Variants in VWA8 observed in about 807,000 individuals in gnomAD.
VWA8 encodes the protein von Willebrand factor A domain-containing protein 8.
A neutral mutation model predicts 241.5 loss-of-function variants in VWA8; 221 were observed. That is an observed-to-expected ratio of 0.91 (90% CI 0.82 to 1.02). VWA8 has a LOEUF of 1.02. Ranked by LOEUF, VWA8 falls within the 50% of genes least tolerant of loss-of-function variation. VWA8 has a pLI of 0.00. For synonymous variants in VWA8, 852 were observed against 827.1 expected, an observed-to-expected ratio of 1.03 and a Z score of -0.52; for missense variants, 2,322 against 2,328.7, an observed-to-expected ratio of 1.00 and a Z score of 0.06.
intron 25 of VWA8, 49 bp from the exon 26 acceptor site, chr13:41,719,791 C>CA: frequency 6.6e-7 from 1 of 1,514,320 alleles, no homozygotes; most frequent in South Asian, 1.2e-5. Context: ...AAATATACAA[C>CA]ATTATAAAGA....
chr13:41,569,828 C>A (rs78736123), intron 44 of VWA8, among the ~76,000 whole-genome samples: 2,189 of 152,144 alleles, frequency 0.014, 53 homozygotes, highest in African/African-American at 0.05. Context: ...TATTTATTGT[C>A]TGATCATAAG....
intron 37 of VWA8, among the ~76,000 whole-genome samples, chr13:41,662,793 T>A (rs190010220): frequency 6.6e-6 from 1 of 152,298 alleles, no homozygotes; most frequent in Admixed American, 6.5e-5. Context: ...GTGAGCATGG[T>A]CATTGCCTTA....
At chr13:41,944,998 G>C (rs150480132) in intron 2 of VWA8, among the ~76,000 whole-genome samples, 237 of 152,286 alleles carry the variant, frequency 1.6e-3, no homozygotes, top group African/African-American at 5.4e-3. Flanking sequence ...GGAAGGCCAT[G>C]CATATATTCA....
chr13:41,871,544 G>A (rs971094848), intron 9 of VWA8, among the ~76,000 whole-genome samples: 1 of 152,114 alleles, frequency 6.6e-6, no homozygotes, highest in African/African-American at 2.4e-5. Flanking sequence ...CTATGAGTGA[G>A]AATATGCGGT....
intron 13 of VWA8, among the ~76,000 whole-genome samples, chr13:41,833,050 AG>A (rs1216901806): frequency 6.6e-6 from 1 of 152,186 alleles, no homozygotes; most frequent in Non-Finnish European, 1.5e-5. Context: ...TAGAAACTTC[AG>A]CAATGTGACA....
At chr13:41,816,838 C>A in intron 15 of VWA8, 63 bp from the exon 16 acceptor site, 1 of 1,246,242 alleles carries the variant, frequency 8.0e-7, no homozygotes, top group South Asian at 1.3e-5. Context: ...ATCAATCAAT[C>A]AGAAATTATG....
At chr13:41,764,621 G>C (rs1196067119) in intron 20 of VWA8, among the ~76,000 whole-genome samples, 1 of 152,136 alleles carries the variant, frequency 6.6e-6, no homozygotes, top group Non-Finnish European at 1.5e-5. Context: ...GAGGTATAGG[G>C]AAAGATGAGA....
At chr13:41,732,282 C>T (rs974151740) in intron 21 of VWA8, 127 bp from the exon 22 acceptor site, 2 of 695,304 alleles carry the variant, frequency 2.9e-6, no homozygotes, top group East Asian at 2.9e-5. Context: ...CCTTCCCCCA[C>T]CAAAAAAAAA....
intron 12 of VWA8, among the ~76,000 whole-genome samples, chr13:41,841,831 A>ATG: frequency 1.7e-5 from 1 of 58,208 alleles, no homozygotes; most frequent in Non-Finnish European, 3.2e-5. Flanking sequence ...ATATATATAT[A>ATG]TATATATATA....
chr13:41,777,796 G>T lies in VWA8; in HGVS notation c.2349+189C>A, dbSNP rs563414110. 7.9e-5 allele frequency among the ~76,000 whole-genome samples: 12 copies of T among 152,212 alleles called. No individual in the cohort carries two copies. In the East Asian group the frequency reaches 2.3e-3, roughly 29 times the overall value. ...GACAGAATGTACATAACTTGATGAG[G>T]GACAGAATGGAGCATGATTTAAACC... On this transcript the variant is annotated intron_variant, in intron 20 of 44. Coordinates refer to ENST00000379310, the MANE Select transcript of VWA8 (RefSeq NM_015058.2).
At position 41,954,315 on chromosome 13, in the gene VWA8, A is replaced by G. The variant is rs143559754; in HGVS notation, c.164-4302T>C. Among the ~76,000 whole-genome samples the G allele has an allele frequency of 6.2e-4, 94 of 152,242 alleles. No homozygotes were observed. In the East Asian group the frequency reaches 0.017, roughly 27 times the overall value. On this transcript the variant is annotated intron_variant, in intron 1 of 44. Transcript: ENST00000379310. ...GTAGCCTACTGGAGACTTTACCTAG[A>G]TATTCCAGAGACAACTCAACAAACA...
intron 37 of VWA8, among the ~76,000 whole-genome samples, chr13:41,648,351 C>G (rs928434046): frequency 1.3e-5 from 2 of 152,148 alleles, no homozygotes; most frequent in African/African-American, 4.8e-5. Context: ...AGCCCTCTTT[C>G]CTCATACAGA....
chr13:41,798,257 T>C (rs1869792896), intron 17 of VWA8, among the ~76,000 whole-genome samples: 2 of 152,232 alleles, frequency 1.3e-5, no homozygotes, highest in African/African-American at 4.8e-5. Context: ...AATTTAACAA[T>C]ATATTTGCCT....
chr13:41,800,877 C>T (rs370263644), intron 17 of VWA8, among the ~76,000 whole-genome samples: 6 of 151,140 alleles, frequency 4.0e-5, no homozygotes, highest in African/African-American at 1.5e-4. Flanking sequence ...TAAAATCACA[C>T]AAAAATTATT....
Position 41,695,006 on chromosome 13 carries a change from A to G in VWA8, c.3565-2034T>C, listed in dbSNP as rs369315020. 3.3e-5 allele frequency among the ~76,000 whole-genome samples: 5 copies of G among 152,132 alleles called. No individual in the cohort carries two copies. The East Asian group carries it at 9.6e-4, about 29-fold the overall frequency. ...CTGTTGCTCCATCCTTTTAGATGTT[A>G]ATGGTTTCCTTCTGTAAATGACTAA... is the stretch of plus-strand genomic sequence containing the variant. On this transcript the variant is annotated intron_variant, in intron 29 of 44. Coordinates refer to ENST00000379310, the MANE Select transcript of VWA8 (RefSeq NM_015058.2).
intron 21 of VWA8, among the ~76,000 whole-genome samples, chr13:41,754,449 C>A (rs1355175576): frequency 6.6e-6 from 1 of 152,062 alleles, no homozygotes; most frequent in Non-Finnish European, 1.5e-5. Context: ...TCTTTATCAG[C>A]AGCATGAAAA....
chr13:41,779,945 G>A (rs1868810201), intron 19 of VWA8, among the ~76,000 whole-genome samples: 1 of 152,040 alleles, frequency 6.6e-6, no homozygotes, highest in East Asian at 1.9e-4. Flanking sequence ...TTAGCCTCTT[G>A]ACCACTTAGT....
At chr13:41,719,388 C>T in intron 26 of VWA8, 2 of 1,400,444 alleles carry the variant, frequency 1.4e-6, no homozygotes, top group Non-Finnish European at 9.2e-7. Flanking sequence ...ATGGGACATA[C>T]ATAATAATCA....
At chr13:41,735,113 G>A (rs1488835419) in intron 21 of VWA8, among the ~76,000 whole-genome samples, 1 of 152,076 alleles carries the variant, frequency 6.6e-6, no homozygotes, top group African/African-American at 2.4e-5. Flanking sequence ...AGAAGGGGGT[G>A]GATGAGGAAG....
Sources: allele counts gnomAD v4.1 joint callset (sites outside exome capture counted in the v4.1 genomes callset), GRCh38; gene constraint gnomAD v4.1.1; transcripts MANE v1.5; gene names NCBI Gene and HGNC (gene_info 2026-07-23, HGNC 2026-07-21).